The following TSC22D3 variants were observed in gnomAD, a reference collection of about 807,000 sequenced individuals.
The protein encoded by TSC22D3 is TSC22 domain family protein 3.
Under a neutral mutation model 11.1 loss-of-function variants are expected in TSC22D3, and 4 were observed. That is an observed-to-expected ratio of 0.36 (90% CI 0.18 to 0.83). The LOEUF (loss-of-function observed/expected upper bound fraction) is 0.83. Among genes scored for constraint, TSC22D3 ranks in the 40% least tolerant of loss-of-function variants. TSC22D3 has a pLI of 0.48. For synonymous variants in TSC22D3, 77 were observed against 70.3 expected (o/e 1.10, Z -0.48); for missense variants, 118 against 159.4 (o/e 0.74, Z 1.40).
chrX:107,726,717 C>G (rs1156621937), intron 1 of TSC22D3, among the ~76,000 whole-genome samples: 1 of 111,000 alleles, frequency 9.0e-6, no homozygotes, highest in Non-Finnish European at 1.9e-5. Flanking sequence ...GTGCCCAGGT[C>G]TCTGTGGGTG....
At chrX:107,726,507 C>T (rs1229847984) in intron 1 of TSC22D3, among the ~76,000 whole-genome samples, 2 of 112,521 alleles carry the variant, frequency 1.8e-5, no homozygotes, top group East Asian at 2.8e-4. Context: ...ACATCCCCGG[C>T]CCTTGCCGGC....
intron 1 of TSC22D3, among the ~76,000 whole-genome samples, chrX:107,755,106 AGAAAT>A (rs1024425835): frequency 1.8e-5 from 2 of 112,357 alleles, no homozygotes; most frequent in African/African-American, 6.5e-5. Context: ...TAAAAGATGG[AGAAAT>A]GAAAGTTCAA....
intron 1 of TSC22D3, among the ~76,000 whole-genome samples, chrX:107,755,342 G>A (rs768646981): frequency 2.7e-5 from 3 of 111,910 alleles, no homozygotes; most frequent in Non-Finnish European, 5.6e-5. Context: ...AAGATCAACT[G>A]TCTCTGCTTG....
chrX:107,723,231 C>T (rs1001821783), intron 1 of TSC22D3, among the ~76,000 whole-genome samples: 2 of 111,816 alleles, frequency 1.8e-5, no homozygotes, highest in Admixed American at 1.9e-4. Flanking sequence ...TCTACCACTC[C>T]TTTAACATTG....
intron 1 of TSC22D3, among the ~76,000 whole-genome samples, chrX:107,741,923 G>A (rs1179963355): frequency 1.8e-5 from 2 of 111,764 alleles, no homozygotes; most frequent in African/African-American, 3.3e-5. Context: ...CCAGCTGTTG[G>A]GCGGGCTGTT....
intron 2 of TSC22D3, 112 bp downstream of exon 2, chrX:107,715,787 C>T: frequency 2.1e-6 from 2 of 968,067 alleles, no homozygotes; most frequent in Non-Finnish European, 3.0e-6. Flanking sequence ...AGGCTGTCGG[C>T]TTCCTCAGGG....
intron 1 of TSC22D3, among the ~76,000 whole-genome samples, chrX:107,737,583 C>CT (rs1227665800): frequency 1.8e-5 from 2 of 110,832 alleles, no homozygotes; most frequent in East Asian, 5.6e-4. Context: ...TGCTTTTTTT[C>CT]TTTTTTTTCA....
chrX:107,766,850 C>T (rs1039929939), intron 1 of TSC22D3, among the ~76,000 whole-genome samples: 2 of 108,522 alleles, frequency 1.8e-5, no homozygotes, highest in South Asian at 7.9e-4. Flanking sequence ...CCAGGGAAGC[C>T]TACCACTGAG....
intron 1 of TSC22D3, among the ~76,000 whole-genome samples, chrX:107,735,656 C>G (rs1928101711): frequency 9.0e-6 from 1 of 110,543 alleles, no homozygotes; most frequent in Non-Finnish European, 1.9e-5. Context: ...AATGTCCTTT[C>G]CAATCACCCC....
At chrX:107,734,651 G>A (rs1249083102) in intron 1 of TSC22D3, among the ~76,000 whole-genome samples, 1 of 110,277 alleles carries the variant, frequency 9.1e-6, no homozygotes, top group East Asian at 2.9e-4. Flanking sequence ...TGTGGTCTTG[G>A]GGGACCAAGC....
intron 1 of TSC22D3, among the ~76,000 whole-genome samples, chrX:107,765,368 T>C (rs1929612215): frequency 8.9e-6 from 1 of 112,015 alleles, no homozygotes; most frequent in African/African-American, 3.2e-5. Flanking sequence ...CAGTGCTTTG[T>C]TCCCCACTGG....
At chrX:107,743,939 C>T (rs1387518892) in intron 1 of TSC22D3, among the ~76,000 whole-genome samples, 1 of 111,795 alleles carries the variant, frequency 8.9e-6, no homozygotes, top group African/African-American at 3.3e-5. Flanking sequence ...CACTTGAGGC[C>T]CAAGTGTGTA....
At chrX:107,717,040 G>A (rs1569446884) in intron 1 of TSC22D3, 3 of 991,898 alleles carry the variant, frequency 3.0e-6, no homozygotes, top group Admixed American at 4.8e-5. Flanking sequence ...CAAACTCCAC[G>A]GCCGCCAGTC....
At chrX:107,758,942 G>A (rs1436408323) in intron 1 of TSC22D3, among the ~76,000 whole-genome samples, 1 of 110,665 alleles carries the variant, frequency 9.0e-6, no homozygotes, top group Non-Finnish European at 1.9e-5. Flanking sequence ...GTGCAGTGGC[G>A]CAGTCTCGGC....
chrX:107,724,331 C>A lies in TSC22D3; in HGVS notation c.321-8381G>T, dbSNP rs771620944. Among the ~76,000 whole-genome samples the A allele has an allele frequency of 3.1e-4, 35 of 113,162 alleles. No individual in the cohort carries two copies. In the South Asian group the frequency reaches 5.0e-3, roughly 16 times the overall value. ...GGCCCCCCAACCATGGGAACAGCAC[C>A]AGGGATCTCAAAGGAGTGTTGGAAG... is the stretch of plus-strand genomic sequence containing the variant. On this transcript the variant is annotated intron_variant, in intron 1 of 2. Coordinates refer to ENST00000372383, the MANE Select transcript of TSC22D3 (RefSeq NM_198057.3).
chrX:107,746,045 G>A (rs767579665), intron 1 of TSC22D3, among the ~76,000 whole-genome samples: 7 of 112,309 alleles, frequency 6.2e-5, no homozygotes, highest in Admixed American at 2.8e-4. Flanking sequence ...AACTGTCCAA[G>A]TGTGACCCAC....
chrX:107,728,963 G>C (rs984839427), intron 1 of TSC22D3, among the ~76,000 whole-genome samples: 11 of 111,556 alleles, frequency 9.9e-5, no homozygotes, highest in Non-Finnish European at 1.7e-4. Flanking sequence ...TGGGATTTCA[G>C]GGGACAGGCA....
intron 1 of TSC22D3, among the ~76,000 whole-genome samples, chrX:107,757,629 C>T (rs1929236179): frequency 9.0e-6 from 1 of 110,679 alleles, no homozygotes; most frequent in Non-Finnish European, 1.9e-5. Flanking sequence ...TCTTTTTGTC[C>T]TCCACACACT....
intron 1 of TSC22D3, among the ~76,000 whole-genome samples, chrX:107,774,585 C>G (rs1038729168): frequency 2.7e-5 from 3 of 111,622 alleles, no homozygotes; most frequent in Non-Finnish European, 5.7e-5. Context: ...TAAAAATTTT[C>G]CCCTCCCCAT....
Sources: allele counts gnomAD v4.1 joint callset (sites outside exome capture counted in the v4.1 genomes callset), GRCh38; gene constraint gnomAD v4.1.1; transcripts MANE v1.5; gene names NCBI Gene and HGNC (gene_info 2026-07-23, HGNC 2026-07-21).